The following GALNT18 variants were observed in gnomAD, a reference collection of about 807,000 sequenced individuals.
GALNT18 encodes the protein GalNAc-transferase 18.
A neutral mutation model predicts 69.5 loss-of-function variants in GALNT18; 44 were observed. The observed-to-expected ratio is 0.63, with a 90% CI of 0.50 to 0.81. GALNT18 has a LOEUF of 0.81. Ranked by LOEUF, GALNT18 falls within the 40% of genes least tolerant of loss-of-function variation. The pLI is 0.00. For missense variants in GALNT18, 715 were observed against 810.0 expected (o/e 0.88, Z 1.42); for synonymous variants, 364 against 318.2 (o/e 1.14, Z -1.53).
chr11:11,327,165 T>C lies in GALNT18; in HGVS notation c.1433A>G (p.Lys478Arg). 4 of 1,613,662 alleles carry C rather than the reference T, an allele frequency of 2.5e-6. No individual in the cohort carries two copies. Among genetic ancestry groups the C allele is most frequent in the Non-Finnish European group, 3.4e-6 (4 of 1,179,582 alleles). ...IAYGVLQNSL[K>R]TDLCLDQGPD... ...CCCCTGGTCAAGACACAAATCAGTC[T>C]TCAGAGAATTCTGCAGCTGAACATC... The change falls in exon 9 of 11, where the codon AAG becomes AGG. Residue 478 changes from lysine (K) to arginine (R), a missense_variant. Coordinates refer to ENST00000227756, the MANE Select transcript of GALNT18 (RefSeq NM_198516.3).
intron 9 of GALNT18, among the ~76,000 whole-genome samples, chr11:11,301,669 C>T (rs534402474): frequency 3.5e-4 from 54 of 152,186 alleles, no homozygotes; most frequent in Non-Finnish European, 6.2e-4. Flanking sequence ...CACACGAATC[C>T]CTCAGCTCTT....
chr11:11,386,223 T>G (rs146516178), intron 3 of GALNT18, among the ~76,000 whole-genome samples: 2 of 151,990 alleles, frequency 1.3e-5, no homozygotes, highest in African/African-American at 4.8e-5. Context: ...CATTGCAGAG[T>G]CTCCAAGTCT....
chr11:11,564,497 C>T lies in GALNT18; in HGVS notation c.235+56862G>A, dbSNP rs74966838. On this transcript the variant is annotated intron_variant, in intron 1 of 10. Coordinates refer to ENST00000227756, the MANE Select transcript of GALNT18 (RefSeq NM_198516.3). This position sits in a 1 kb window ranked among gnomAD's most constrained non-coding sequence, Gnocchi z 4.3. ...CATGCCTCCCTTCTTTTCTTCCCCA[C>T]GGCCCTATGCATTTTATCTGCCTTA... Among the ~76,000 whole-genome samples, 13,240 of 152,252 alleles carry T rather than the reference C, an allele frequency of 0.087. 650 individuals carry two copies. The highest frequency in any genetic ancestry group is 0.14 in the Admixed American group (2,183 of 15,298).
chr11:11,280,445 C>T (rs1849047823), intron 10 of GALNT18, among the ~76,000 whole-genome samples: 1 of 152,020 alleles, frequency 6.6e-6, no homozygotes, highest in African/African-American at 2.4e-5. Context: ...AATATGCAGT[C>T]TTCCCCCAGC....
intron 6 of GALNT18, among the ~76,000 whole-genome samples, chr11:11,355,381 A>C (rs12574682): frequency 0.12 from 18,633 of 152,060 alleles, 1,487 homozygotes; most frequent in East Asian, 0.34. Flanking sequence ...CCATGTGACT[A>C]TATTGGAGAT....
In GALNT18 at chr11:11,583,705, C is replaced by T. The variant is rs1859146480; in HGVS notation, c.235+37654G>A. ...CAAGATATTTCCAAAGCCCTGACCA[C>T]ATACGTGGTCAGGGAAAATGCTTAA... On this transcript the variant is annotated intron_variant, in intron 1 of 10. Coordinates refer to ENST00000227756, the MANE Select transcript of GALNT18 (RefSeq NM_198516.3). The surrounding 1 kb of genome is among the most constrained non-coding windows in gnomAD (Gnocchi z 4.7). Among the ~76,000 whole-genome samples the T allele has an allele frequency of 6.6e-6, 1 of 152,126 alleles. No individual in the cohort carries two copies. Among genetic ancestry groups the T allele is most frequent in the African/African-American group, 2.4e-5 (1 of 41,424 alleles).
chr11:11,563,958 G>A lies in GALNT18; in HGVS notation c.235+57401C>T, dbSNP rs114907071. Among the ~76,000 whole-genome samples the A allele has an allele frequency of 5.8e-3, 883 of 152,268 alleles. 7 individuals carry two copies. The highest frequency in any genetic ancestry group is 0.021 in the African/African-American group (852 of 41,550). On this transcript the variant is annotated intron_variant, in intron 1 of 10. Coordinates refer to ENST00000227756, the MANE Select transcript of GALNT18 (RefSeq NM_198516.3). This position sits in a 1 kb window ranked among gnomAD's most constrained non-coding sequence, Gnocchi z 4.6. The stretch of plus-strand genomic sequence containing the variant: ...AAATGCAGAGAGAAGGATATAAAGA[G>A]CTATGCTGATCTGACATGATGGCTT...
Position 11,500,654 on chromosome 11 carries a change from G to C in GALNT18, c.236-51718C>G, listed in dbSNP as rs1045231513. 6.6e-6 allele frequency among the ~76,000 whole-genome samples: 1 copy of C among 152,210 alleles called. No homozygotes were observed. The highest frequency in any genetic ancestry group is 2.4e-5 in the African/African-American group (1 of 41,464). On this transcript the variant is annotated intron_variant, in intron 1 of 10. Coordinates refer to ENST00000227756, the MANE Select transcript of GALNT18 (RefSeq NM_198516.3). The surrounding 1 kb of genome is among the most constrained non-coding windows in gnomAD (Gnocchi z 5.0). ...GCAAAATGGTGACAGTGCCGAGCTA[G>C]AGAAGCCCTTCCCATGCACAGCACA...
chr11:11,525,153 CA>C (rs1857490684), intron 1 of GALNT18, among the ~76,000 whole-genome samples: 1 of 152,038 alleles, frequency 6.6e-6, no homozygotes, highest in Non-Finnish European at 1.5e-5. Context: ...GGAATATAGA[CA>C]GGGTGGGGAG....
chr11:11,311,514 G>A (rs1849673961), intron 9 of GALNT18, among the ~76,000 whole-genome samples: 1 of 152,184 alleles, frequency 6.6e-6, no homozygotes, highest in South Asian at 2.1e-4. Flanking sequence ...TGGGGTCTGA[G>A]GAGTTTACAT....
intron 9 of GALNT18, among the ~76,000 whole-genome samples, chr11:11,308,122 T>A (rs1312432348): frequency 6.6e-6 from 1 of 152,170 alleles, no homozygotes; most frequent in Non-Finnish European, 1.5e-5. Flanking sequence ...CAGTGGAAGA[T>A]GGATCATGAA....
At chr11:11,529,656 CAG>C (rs1564996214) in intron 1 of GALNT18, among the ~76,000 whole-genome samples, 3 of 151,804 alleles carry the variant, frequency 2.0e-5, no homozygotes, top group South Asian at 2.1e-4. Flanking sequence ...CACACACACA[CAG>C]AGACATATGT....
chr11:11,476,912 C>T (rs1348044402), intron 1 of GALNT18, among the ~76,000 whole-genome samples: 1 of 152,184 alleles, frequency 6.6e-6, no homozygotes, highest in East Asian at 1.9e-4. Context: ...ATTAGTGATT[C>T]ACTTAGATTG....
chr11:11,617,715 G>T lies in GALNT18; in HGVS notation c.235+3644C>A, dbSNP rs951488876. ...CATATTCAGAAAGCTACTAAGAAAAGAAGAAAGCTATCTTTATTTTTACTG... is the reference window on the plus strand; with the variant it reads ...CATATTCAGAAAGCTACTAAGAAAATAAGAAAGCTATCTTTATTTTTACTG... On this transcript the variant is annotated intron_variant, in intron 1 of 10. Coordinates refer to ENST00000227756, the MANE Select transcript of GALNT18 (RefSeq NM_198516.3). This position sits in a 1 kb window ranked among gnomAD's most constrained non-coding sequence, Gnocchi z 4.7. 4.6e-5 allele frequency among the ~76,000 whole-genome samples: 7 copies of T among 152,110 alleles called. No individual in the cohort carries two copies. The highest frequency in any genetic ancestry group is 7.4e-5 in the Non-Finnish European group (5 of 68,014).
chr11:11,547,510 C>A (rs565108199), intron 1 of GALNT18, among the ~76,000 whole-genome samples: 1 of 152,214 alleles, frequency 6.6e-6, no homozygotes, highest in African/African-American at 2.4e-5. Context: ...GCCAGGCATG[C>A]GTCCCTCCCC....
At chr11:11,475,370 C>T (rs902175448) in intron 1 of GALNT18, 3 of 152,130 alleles carry the variant, frequency 2.0e-5, no homozygotes, top group African/African-American at 7.2e-5. Context: ...ATTTATTTCA[C>T]TTTTTTATGA....
intron 1 of GALNT18, among the ~76,000 whole-genome samples, chr11:11,506,578 A>C (rs1018584254): frequency 6.6e-6 from 1 of 152,228 alleles, no homozygotes; most frequent in Non-Finnish European, 1.5e-5. Flanking sequence ...CTGGCCATGC[A>C]TCAACCAGAA....
chr11:11,333,808 A>G (rs1047072302), intron 7 of GALNT18, among the ~76,000 whole-genome samples: 10 of 152,136 alleles, frequency 6.6e-5, no homozygotes, highest in African/African-American at 2.4e-4. Context: ...CTTGTAGAGC[A>G]GAGTTGGGCA....
intron 3 of GALNT18, among the ~76,000 whole-genome samples, chr11:11,414,940 T>C (rs561871325): frequency 3.3e-4 from 50 of 152,338 alleles, no homozygotes; most frequent in African/African-American, 1.2e-3. Context: ...AGCACTGTAG[T>C]TCTCAACTGG....
Sources: allele counts gnomAD v4.1 joint callset (sites outside exome capture counted in the v4.1 genomes callset), GRCh38; gene constraint gnomAD v4.1.1; non-coding constraint Gnocchi (gnomAD v3.1); transcripts MANE v1.5; gene names NCBI Gene and HGNC (gene_info 2026-07-23, HGNC 2026-07-21).